The following FAM107B variants were observed in gnomAD, a reference collection of about 807,000 sequenced individuals.
FAM107B encodes family with sequence similarity 107 member B.
FAM107B carries 21 observed loss-of-function variants against 31.5 expected under a neutral mutation model. That is an observed-to-expected ratio of 0.67 (90% CI 0.47 to 0.96). The LOEUF (loss-of-function observed/expected upper bound fraction) is 0.96, where lower values mean the gene tolerates loss of function less well. Among genes scored for constraint, FAM107B ranks in the 40% least tolerant of loss-of-function variants. The probability of loss-of-function intolerance (pLI) is 0.00; values close to 1 mark genes in which losing one functional copy is unlikely to be tolerated. For synonymous variants in FAM107B, 157 were observed against 141.5 expected (o/e 1.11, Z -0.78); for missense variants, 452 against 377.1 (o/e 1.20, Z -1.64).
chr10:14,565,393 G>A (rs765259356), intron 2 of FAM107B, among the ~76,000 whole-genome samples: 10 of 152,154 alleles, frequency 6.6e-5, no homozygotes, highest in Non-Finnish European at 1.0e-4. Flanking sequence ...TGGGCTTGGA[G>A]CACAAGATGA....
At chr10:14,662,746 C>T (rs1370577092) in intron 2 of FAM107B, among the ~76,000 whole-genome samples, 1 of 152,178 alleles carries the variant, frequency 6.6e-6, no homozygotes, top group Non-Finnish European at 1.5e-5. Flanking sequence ...AGTGCATGCC[C>T]TTCTGATGAT....
chr10:14,717,207 G>T (rs1157580674), intron 1 of FAM107B, among the ~76,000 whole-genome samples: 1 of 152,228 alleles, frequency 6.6e-6, no homozygotes, highest in Non-Finnish European at 1.5e-5. Context: ...CACGTGGTTT[G>T]TTCTGAAGTC....
chr10:14,659,814 C>T (rs552585791), intron 2 of FAM107B, among the ~76,000 whole-genome samples: 38 of 152,238 alleles, frequency 2.5e-4, no homozygotes, highest in Admixed American at 1.6e-3. Flanking sequence ...CATGGACCTT[C>T]CCGCAGAGGG....
At chr10:14,727,821 C>G (rs1440734884) in intron 1 of FAM107B, among the ~76,000 whole-genome samples, 1 of 152,210 alleles carries the variant, frequency 6.6e-6, no homozygotes. Flanking sequence ...CTTCACTTCC[C>G]ATTTTTAAGT....
At chr10:14,525,464 C>A (rs1846125872) in intron 3 of FAM107B, among the ~76,000 whole-genome samples, 1 of 152,210 alleles carries the variant, frequency 6.6e-6, no homozygotes, top group African/African-American at 2.4e-5. Context: ...CACATCCAAA[C>A]CCTCTCCATT....
At chr10:14,561,040 G>C (rs1588589807) in intron 2 of FAM107B, among the ~76,000 whole-genome samples, 2 of 152,186 alleles carry the variant, frequency 1.3e-5, no homozygotes, top group African/African-American at 4.8e-5. Context: ...AAGCTACAAC[G>C]AAACCAGCCA....
chr10:14,602,852 T>C (rs1004382575), intron 2 of FAM107B: 1 of 152,216 alleles, frequency 6.6e-6, no homozygotes, highest in Non-Finnish European at 1.5e-5. Flanking sequence ...TATGCAAACC[T>C]ATAAGAAAAT....
Position 14,571,870 on chromosome 10 carries a change from G to A in FAM107B, c.470-41355C>T, listed in dbSNP as rs1851255255. Reference sequence around the variant, plus strand: ...AGCCCAGGAAGTCATCCCCATCCATGTCACCCATCAAGGCCTAAGTGACGA... The same window carrying A: ...AGCCCAGGAAGTCATCCCCATCCATATCACCCATCAAGGCCTAAGTGACGA... On this transcript the variant is annotated intron_variant, in intron 2 of 4. Transcript: ENST00000181796. 4 of 985,398 alleles carry A rather than the reference G, an allele frequency of 4.1e-6. No homozygotes were observed. The South Asian group carries it at 1.9e-4, about 46-fold the overall frequency. The allele number at this position is 985,398 out of a possible 1,614,324, so 61.0% of individuals were successfully genotyped here.
intron 2 of FAM107B, among the ~76,000 whole-genome samples, chr10:14,582,373 TTC>T (rs1851663313): frequency 4.6e-5 from 4 of 87,484 alleles, no homozygotes; most frequent in Non-Finnish European, 5.0e-5. Context: ...GTTTTTTCTT[TTC>T]TTTTTTTTTT....
intron 2 of FAM107B, among the ~76,000 whole-genome samples, chr10:14,629,435 T>TAACA (rs1422259743): frequency 0.022 from 245 of 10,960 alleles, 26 homozygotes; most frequent in South Asian, 0.077. Flanking sequence ...ATAATATATA[T>TAACA]TATATATATA....
intron 1 of FAM107B, among the ~76,000 whole-genome samples, chr10:14,772,663 C>T (rs938997725): frequency 6.6e-6 from 1 of 152,132 alleles, no homozygotes; most frequent in Admixed American, 6.5e-5. Flanking sequence ...TTGTTCCTGT[C>T]TGGATTGTTA....
At position 14,770,320 on chromosome 10, in the gene FAM107B, C is replaced by T. The variant is rs78346764; in HGVS notation, c.411+3933G>A. Among the ~76,000 whole-genome samples the T allele has an allele frequency of 4.4e-3, 674 of 152,142 alleles. 2 individuals are homozygous for T. The highest frequency in any genetic ancestry group is 7.0e-3 in the Non-Finnish European group (478 of 67,992). On this transcript the variant is annotated intron_variant, in intron 1 of 4. Coordinates refer to ENST00000181796, the MANE Select transcript of FAM107B (RefSeq NM_031453.4). ...CGGGTGGATCATGAGGTCAGGAATT[C>T]GAGATCAGGCTGGCCAACATGGTGA... is the stretch of plus-strand genomic sequence containing the variant.
At chr10:14,593,794 A>C (rs1455183788) in intron 2 of FAM107B, among the ~76,000 whole-genome samples, 4 of 152,340 alleles carry the variant, frequency 2.6e-5, no homozygotes, top group South Asian at 2.1e-4. Flanking sequence ...ATCTTTTCCA[A>C]AATTTCAGAA....
At chr10:14,683,286 G>A (rs1183949764) in intron 1 of FAM107B, among the ~76,000 whole-genome samples, 1 of 152,206 alleles carries the variant, frequency 6.6e-6, no homozygotes, top group Non-Finnish European at 1.5e-5. Flanking sequence ...AACTCACTGA[G>A]GAGAATTTTG....
At chr10:14,739,991 C>T (rs1182241626) in intron 1 of FAM107B, among the ~76,000 whole-genome samples, 1 of 152,170 alleles carries the variant, frequency 6.6e-6, no homozygotes, top group East Asian at 1.9e-4. Flanking sequence ...AGATATAGAG[C>T]AACAGGAATG....
chr10:14,570,236 GTGTGTGT>G (rs1851092344), intron 2 of FAM107B, among the ~76,000 whole-genome samples: 2 of 91,206 alleles, frequency 2.2e-5, no homozygotes, highest in Non-Finnish European at 2.7e-5. Context: ...TGTGGTGGGT[GTGTGTGT>G]GTGTGTGTGT....
chr10:14,720,195 T>C (rs1855878299), intron 1 of FAM107B, among the ~76,000 whole-genome samples: 1 of 152,208 alleles, frequency 6.6e-6, no homozygotes, highest in Non-Finnish European at 1.5e-5. Flanking sequence ...TCCCTGATGG[T>C]GCCAGAACCC....
intron 2 of FAM107B, among the ~76,000 whole-genome samples, chr10:14,547,428 GGTTT>G (rs1183718706): frequency 1.3e-5 from 2 of 152,122 alleles, no homozygotes; most frequent in African/African-American, 4.8e-5. Context: ...GGGTCAAACA[GGTTT>G]GTTTCTACAG....
intron 1 of FAM107B, among the ~76,000 whole-genome samples, chr10:14,735,217 G>C (rs970927920): frequency 1.8e-4 from 28 of 152,206 alleles, no homozygotes; most frequent in African/African-American, 6.8e-4. Flanking sequence ...AGGCCACATG[G>C]GGCCTGGGAC....
Sources: gnomAD v4.1 joint callset for allele counts (sites outside exome capture counted in the v4.1 genomes callset) on GRCh38, gnomAD v4.1.1 for gene constraint, MANE v1.5 for transcripts, NCBI Gene and HGNC (gene_info 2026-07-23, HGNC 2026-07-21) for gene names.